The following CFAP99 variants were observed in gnomAD, a reference collection of about 807,000 sequenced individuals.
CFAP99 encodes the protein cilia and flagella associated protein 99, also known as cilia- and flagella-associated protein 99.
CFAP99 carries 84 observed loss-of-function variants against 82.7 expected under a neutral mutation model. The ratio of observed to expected loss-of-function variants is 1.02; its 90% CI spans 0.85 to 1.22. CFAP99 has a LOEUF of 1.22. Ranked by LOEUF, CFAP99 falls within the 50% of genes most tolerant of loss-of-function variation. The pLI, the probability that CFAP99 is intolerant of heterozygous loss-of-function variation, is 0.00. For synonymous variants in CFAP99, 456 were observed against 429.5 expected (o/e 1.06, Z -0.76); for missense variants, 1,059 against 983.5 (o/e 1.08, Z -1.03).
In CFAP99 at chr4:2,446,837, A is replaced by G. The variant is rs1734177263; in HGVS notation, c.642+1529A>G. ...GATGAATGGATGGATGGATGGATGGATGATTGGATTGGTGAATGGATAGAT... is the reference window on the plus strand; with the variant it reads ...GATGAATGGATGGATGGATGGATGGGTGATTGGATTGGTGAATGGATAGAT... On this transcript the variant is annotated intron_variant, in intron 6 of 14. Transcript: ENST00000635017. The surrounding 1 kb of genome is among the most constrained non-coding windows in gnomAD (Gnocchi z 5.0). 6.6e-6 allele frequency among the ~76,000 whole-genome samples: 1 copy of G among 151,130 alleles called. No individual in the cohort carries two copies. Among genetic ancestry groups the G allele is most frequent in the African/African-American group, 2.4e-5 (1 of 41,162 alleles).
At chr4:2,423,680 C>T (rs937788972) in intron 1 of CFAP99, among the ~76,000 whole-genome samples, 2 of 152,234 alleles carry the variant, frequency 1.3e-5, no homozygotes, top group Admixed American at 1.3e-4. Context: ...TGGGCAGCCT[C>T]ACCCACAAAC....
chr4:2,420,473 C>A (rs1003659796), intron 1 of CFAP99, among the ~76,000 whole-genome samples: 1 of 152,104 alleles, frequency 6.6e-6, no homozygotes, highest in Admixed American at 6.5e-5. Context: ...GGGGTAGACA[C>A]TTGATGGGCT....
At chr4:2,451,284 G>A in exon 10 of CFAP99, 1 of 1,536,078 alleles carries the variant, frequency 6.5e-7, no homozygotes, top group African/African-American at 1.4e-5. Flanking sequence ...TCCTGGTCAA[G>A]CTGAACACCA....
intron 11 of CFAP99, among the ~76,000 whole-genome samples, chr4:2,453,011 C>T (rs1028878934): frequency 3.3e-5 from 5 of 152,072 alleles, no homozygotes; most frequent in Non-Finnish European, 5.9e-5. Flanking sequence ...TGCAGTGAGC[C>T]GTGATCATGC....
chr4:2,424,254 C>T (rs56345107), intron 1 of CFAP99, among the ~76,000 whole-genome samples: 8,734 of 152,234 alleles, frequency 0.057, 375 homozygotes, highest in Non-Finnish European at 0.096. Context: ...TCCTGTCTCT[C>T]CTAAAAAAAT....
chr4:2,460,095 C>T, exon 14 of CFAP99: 1 of 1,535,498 alleles, frequency 6.5e-7, no homozygotes, highest in South Asian at 1.2e-5. Flanking sequence ...GAGCGGCTGG[C>T]CCTGCTCAAA....
rs974499472 is a variant in CFAP99 at position 2,436,889 on chromosome 4, A to G, written c.127A>G (p.Lys43Glu). ...TCTCTTCCAGGCTCTGAGCCCCCAG[A>G]AGCAGAGCTTTGTTTTGGAGGTTCT... Residue 43 changes from lysine (K) to glutamate (E), a missense_variant, in exon 3 of 15, where the codon AAG becomes GAG. Lys to Glu is a moderately conservative substitution (Grantham distance 56). Coordinates refer to ENST00000635017, the Ensembl canonical transcript of CFAP99. 2.1e-5 allele frequency: 32 copies of G among 1,535,680 alleles called. No individual in the cohort carries two copies. The highest frequency in any genetic ancestry group is 2.7e-5 in the Non-Finnish European group (31 of 1,146,792).
chr4:2,458,745 G>A (rs1458045195), exon 12 of CFAP99: 43 of 1,535,186 alleles, frequency 2.8e-5, no homozygotes, highest in East Asian at 4.9e-5. Flanking sequence ...ATGCTGCAGC[G>A]TGCAGAGAGA....
In CFAP99 at chr4:2,425,726, T is replaced by C. The variant is rs561449697; in HGVS notation, c.-17-733T>C. On this transcript the variant is annotated intron_variant, in intron 1 of 14. Coordinates refer to ENST00000635017, the Ensembl canonical transcript of CFAP99. The stretch of plus-strand genomic sequence containing the variant: ...TGACAGGCCCCGCCTCCTCTGAGGA[T>C]AGTTTGGGGGCCACATGTTGTCCTT... Among the ~76,000 whole-genome samples the C allele has an allele frequency of 1.5e-3, 221 of 152,234 alleles. 1 individual carries two copies. Among genetic ancestry groups the C allele is most frequent in the African/African-American group, 5.2e-3 (214 of 41,540 alleles).
chr4:2,443,082 G>GCC, intron 4 of CFAP99, 48 bp from the exon 5 acceptor site: 1 of 1,087,422 alleles, frequency 9.2e-7, no homozygotes, highest in Non-Finnish European at 1.3e-6. Flanking sequence ...GCCCGGTGAG[G>GCC]GGTTGGGCCC....
chr4:2,462,937 G>A lies in CFAP99; in HGVS notation c.*11G>A. 1 of 1,276,908 alleles carries A rather than the reference G, an allele frequency of 7.8e-7. No individual in the cohort carries two copies. Among genetic ancestry groups the A allele is most frequent in the African/African-American group, 1.6e-5 (1 of 64,078 alleles). The allele number at this position is 1,276,908 out of a possible 1,614,324, so 79.1% of individuals were successfully genotyped here. On this transcript the variant is annotated 3_prime_UTR_variant, in exon 15 of 15. Coordinates refer to ENST00000635017, the Ensembl canonical transcript of CFAP99. The surrounding 1 kb of genome is among the most constrained non-coding windows in gnomAD (Gnocchi z 4.1). ...CTGGAGGCCGCCTGAGCCGGGCCGA[G>A]CGCGCCCCACCCGCTTGCGGGCCAC... is the stretch of plus-strand genomic sequence containing the variant.
intron 1 of CFAP99, among the ~76,000 whole-genome samples, chr4:2,423,169 G>A (rs1272725901): frequency 6.6e-6 from 1 of 152,218 alleles, no homozygotes; most frequent in Non-Finnish European, 1.5e-5. Context: ...CAATGCCCCA[G>A]AAAAGTGCTT....
chr4:2,449,657 A>G lies in CFAP99; in HGVS notation c.643-13A>G. ...CTGCTGACCATAGGCTCTTCCTCCC[A>G]CCACTTCAGCAGGTCCCCCAGAGCA... is the stretch of plus-strand genomic sequence containing the variant. On this transcript the variant is annotated splice_polypyrimidine_tract_variant and intron_variant, in intron 6 of 14. Coordinates refer to ENST00000635017, the Ensembl canonical transcript of CFAP99. The G allele has an allele frequency of 6.5e-7, 1 of 1,535,454 alleles. No homozygotes were observed.
intron 12 of CFAP99, 51 bp from the exon 13 acceptor site, chr4:2,459,056 C>T: frequency 5.4e-6 from 8 of 1,472,506 alleles, no homozygotes; most frequent in African/African-American, 1.4e-5. Context: ...TCCTGTCCAG[C>T]CCCTGCCCTG....
intron 1 of CFAP99, among the ~76,000 whole-genome samples, chr4:2,425,593 G>A (rs1462007551): frequency 6.6e-6 from 1 of 152,194 alleles, no homozygotes; most frequent in Non-Finnish European, 1.5e-5. Flanking sequence ...CAGTCATGGA[G>A]CAAGAGGAGG....
intron 11 of CFAP99, among the ~76,000 whole-genome samples, chr4:2,455,817 G>A (rs1467061226): frequency 6.6e-6 from 1 of 152,208 alleles, no homozygotes; most frequent in Non-Finnish European, 1.5e-5. Flanking sequence ...AAATTAACTA[G>A]ATTAGGTGGC....
intron 4 of CFAP99, among the ~76,000 whole-genome samples, chr4:2,440,149 C>CTTTTTTTTTT (rs1253819268): frequency 9.6e-6 from 1 of 104,034 alleles, no homozygotes; most frequent in African/African-American, 4.6e-5. Context: ...GCTTGACATT[C>CTTTTTTTTTT]TTTTTTTTTT....
chr4:2,452,546 A>T (rs1378959023), intron 11 of CFAP99, among the ~76,000 whole-genome samples, 200 bp downstream of exon 11: 1 of 152,088 alleles, frequency 6.6e-6, no homozygotes, highest in Non-Finnish European at 1.5e-5. Context: ...GTTCCCCGAG[A>T]GTGCCTGCTC....
At chr4:2,444,315 A>T (rs1256578481) in intron 5 of CFAP99, among the ~76,000 whole-genome samples, 1 of 150,828 alleles carries the variant, frequency 6.6e-6, no homozygotes, top group African/African-American at 2.4e-5. Context: ...CTGCGCCACC[A>T]CCCCCATTCA....
Sources: gnomAD v4.1 joint callset for allele counts (sites outside exome capture counted in the v4.1 genomes callset) on GRCh38, gnomAD v4.1.1 for gene constraint, Gnocchi (gnomAD v3.1) non-coding constraint, MANE v1.5 for transcripts, NCBI Gene and HGNC (gene_info 2026-07-23, HGNC 2026-07-21) for gene names.